SLC9A7: variants seen among roughly 807,000 people sequenced by gnomAD.
SLC9A7 encodes solute carrier family 9 member A7.
A neutral mutation model predicts 52.6 loss-of-function variants in SLC9A7; 19 were observed. That is an observed-to-expected ratio of 0.36 (90% CI 0.25 to 0.53). SLC9A7 has a LOEUF of 0.53. Ranked by LOEUF, SLC9A7 falls within the 20% of genes least tolerant of loss-of-function variation. SLC9A7 has a pLI of 0.91. For missense variants in SLC9A7, 455 were observed against 597.9 expected, an observed-to-expected ratio of 0.76 and a Z score of 2.49; for synonymous variants, 226 against 252.1, an observed-to-expected ratio of 0.90 and a Z score of 0.98.
chrX:46,726,680 A>T (rs937687763), intron 1 of SLC9A7, among the ~76,000 whole-genome samples: 9 of 111,562 alleles, frequency 8.1e-5, no homozygotes, highest in African/African-American at 2.9e-4. Flanking sequence ...ACTGGTTTCC[A>T]TTTAATACAA....
chrX:46,627,410 T>C (rs1327235150), intron 14 of SLC9A7, among the ~76,000 whole-genome samples: 13 of 111,890 alleles, frequency 1.2e-4, no homozygotes, highest in African/African-American at 4.2e-4. Context: ...ATACATTGCC[T>C]AGATCAGGGC....
At chrX:46,715,594 C>T (rs961010565) in intron 1 of SLC9A7, among the ~76,000 whole-genome samples, 6 of 111,897 alleles carry the variant, frequency 5.4e-5, no homozygotes, top group Non-Finnish European at 1.1e-4. Flanking sequence ...TGACAAATGT[C>T]GCACAGAGTG....
chrX:46,693,493 T>C (rs1174304218), intron 1 of SLC9A7, among the ~76,000 whole-genome samples: 1 of 111,202 alleles, frequency 9.0e-6, no homozygotes, highest in Non-Finnish European at 1.9e-5. Context: ...AAGGACAATC[T>C]TTTCAACAAA....
chrX:46,621,041 T>C lies in SLC9A7; in HGVS notation c.1759A>G (p.Arg587Gly). The change falls in exon 15 of 17, where the codon AGA becomes GGA. Residue 587 changes from arginine to glycine, a missense_variant. Physicochemically the swap from Arg to Gly is moderately radical, Grantham distance 125. Transcript: ENST00000616978. ...CTCTCCTGTTTTGTCCGGTTTCCTC[T>C]GGCAGAATCTGGGCCGTCCTAGGAA... is the stretch of plus-strand genomic sequence containing the variant. The part of the protein sequence containing the change: ...VLQGDGPDSA[R>G]GNRTKQESAW... 1 of 1,202,984 alleles carries C rather than the reference T, an allele frequency of 8.3e-7. No homozygotes were observed. The highest frequency in any genetic ancestry group is 1.1e-6 in the Non-Finnish European group (1 of 888,795).
intron 1 of SLC9A7, among the ~76,000 whole-genome samples, chrX:46,752,292 A>C (rs868967013): frequency 3.6e-5 from 4 of 110,178 alleles, no homozygotes; most frequent in Non-Finnish European, 5.8e-5. Context: ...TACAAAAAAT[A>C]ATAGTAATTC....
intron 1 of SLC9A7, chrX:46,684,927 G>A (rs1409189382): frequency 8.8e-6 from 1 of 113,436 alleles, no homozygotes; most frequent in Non-Finnish European, 1.8e-5. Flanking sequence ...GAGGGGCCCT[G>A]GAGATTCGTG....
At chrX:46,695,776 A>G (rs1387998969) in intron 1 of SLC9A7, among the ~76,000 whole-genome samples, 2 of 110,187 alleles carry the variant, frequency 1.8e-5, no homozygotes, top group Non-Finnish European at 3.8e-5. Flanking sequence ...AGCACATGGA[A>G]GTGCCTGGCA....
chrX:46,636,866 T>C (rs1403820915), intron 12 of SLC9A7, among the ~76,000 whole-genome samples: 1 of 112,166 alleles, frequency 8.9e-6, no homozygotes, highest in East Asian at 2.8e-4. Context: ...CCCTGACATA[T>C]GCAAGTGAGG....
rs1942706513 is a variant in SLC9A7 at position 46,604,288 on chromosome X, C to T, written c.*2664G>A. 1 of 111,814 alleles carries T rather than the reference C, an allele frequency of 8.9e-6. No homozygotes were observed. Among genetic ancestry groups the T allele is most frequent in the African/African-American group, 3.3e-5 (1 of 30,691 alleles). The allele number at this position is 111,814 out of a possible 1,213,427, so 9.2% of individuals were successfully genotyped here. A position where few individuals can be genotyped will look rare whatever the true frequency, so the allele number is the denominator to read the frequency against. ...GTAGGTCTTATTCTTAAGTCCTTCACTAGCCTAGTTGACCCTGAGGGCTCA... is the reference window on the plus strand; with the variant it reads ...GTAGGTCTTATTCTTAAGTCCTTCATTAGCCTAGTTGACCCTGAGGGCTCA... On this transcript the variant is annotated 3_prime_UTR_variant, in exon 17 of 17. Coordinates refer to ENST00000616978, the MANE Select transcript of SLC9A7 (RefSeq NM_001257291.2).
intron 1 of SLC9A7, among the ~76,000 whole-genome samples, chrX:46,728,511 G>A (rs896870768): frequency 1.8e-5 from 2 of 112,209 alleles, no homozygotes; most frequent in Non-Finnish European, 3.8e-5. Flanking sequence ...TGGTAAAGGT[G>A]TGGAACAACT....
intron 15 of SLC9A7, among the ~76,000 whole-genome samples, chrX:46,616,047 G>A (rs181005126): frequency 1.8e-5 from 2 of 109,938 alleles, no homozygotes; most frequent in East Asian, 5.7e-4. Context: ...CAGACTGGAT[G>A]CAGTGGCTCA....
At chrX:46,646,707 A>G in intron 11 of SLC9A7, 1 of 285,581 alleles carries the variant, frequency 3.5e-6, no homozygotes, top group Non-Finnish European at 6.9e-6. Flanking sequence ...TCCAATTCAT[A>G]GACAACGAGA....
intron 3 of SLC9A7, among the ~76,000 whole-genome samples, chrX:46,673,048 T>C (rs1944050899): frequency 1.8e-5 from 2 of 111,763 alleles, no homozygotes; most frequent in African/African-American, 6.5e-5. Context: ...TTAAAACAAA[T>C]AAAGTGTGAA....
At position 46,745,479 on chromosome X, in the gene SLC9A7, T is replaced by TG. The variant is rs1193503142; in HGVS notation, c.325+13225_325+13226insC. 2.7e-4 allele frequency among the ~76,000 whole-genome samples: 30 copies of TG among 111,825 alleles called. No individual in the cohort carries two copies. In the South Asian group the frequency reaches 0.011, roughly 41 times the overall value. Reference sequence around the variant, plus strand: ...GGGCCATTCAAAGGAAAAAAATTGATAGAAACTATCCCTGAGGAGGCTGAG... The same window carrying TG: ...GGGCCATTCAAAGGAAAAAAATTGATGAGAAACTATCCCTGAGGAGGCTGAG... On this transcript the variant is annotated intron_variant, in intron 1 of 16. Transcript: ENST00000616978.
In SLC9A7 at chrX:46,608,611, C is replaced by T. The variant is rs761736504; in HGVS notation, c.1930-1408G>A. ...CTCTTTACCAGTGTTTAGAAAGTCC[C>T]GAAACTCAATCTGCTTTACAGTAGC... On this transcript the variant is annotated intron_variant, in intron 16 of 16. Transcript: ENST00000616978. Among the ~76,000 whole-genome samples, 5 of 111,959 alleles carry T rather than the reference C, an allele frequency of 4.5e-5. No homozygotes were observed. In the South Asian group the frequency reaches 1.5e-3, roughly 34 times the overall value.
At chrX:46,646,988 C>A (rs1261273428) in intron 11 of SLC9A7, 4 of 334,661 alleles carry the variant, frequency 1.2e-5, no homozygotes, top group African/African-American at 1.0e-4. Context: ...GGTGGGACAT[C>A]ACAGGAGCGC....
chrX:46,684,906 T>C (rs1393979411), intron 1 of SLC9A7: 1 of 115,322 alleles, frequency 8.7e-6, no homozygotes, highest in Admixed American at 9.4e-5. Context: ...TTCATTACTG[T>C]TCTAGGTGAG....
chrX:46,649,540 G>A (rs1297657864), intron 10 of SLC9A7, among the ~76,000 whole-genome samples: 2 of 111,896 alleles, frequency 1.8e-5, no homozygotes, highest in African/African-American at 6.5e-5. Context: ...TACTTGCTGA[G>A]CTTAGAATAG....
chrX:46,748,303 G>C (rs189606986), intron 1 of SLC9A7, among the ~76,000 whole-genome samples: 1 of 102,337 alleles, frequency 9.8e-6, no homozygotes, highest in East Asian at 3.1e-4. Flanking sequence ...CCGAGATTGC[G>C]CCATTGCACT....
Sources: gnomAD v4.1 joint callset for allele counts (sites outside exome capture counted in the v4.1 genomes callset) on GRCh38, gnomAD v4.1.1 for gene constraint, MANE v1.5 for transcripts, NCBI Gene and HGNC (gene_info 2026-07-23, HGNC 2026-07-21) for gene names.